CLINT1: variants seen among roughly 807,000 people sequenced by gnomAD.
CLINT1 encodes the protein clathrin interactor 1, also known as clathrin interacting protein localized in the trans-Golgi region.
Under a neutral mutation model 70.4 loss-of-function variants are expected in CLINT1, and 15 were observed. That is an observed-to-expected ratio of 0.21 (90% CI 0.14 to 0.33). CLINT1 has a LOEUF of 0.33. CLINT1 is among the 10% of genes least tolerant of loss of function. The pLI, the probability that CLINT1 is intolerant of heterozygous loss-of-function variation, is 1.00. For synonymous variants in CLINT1, 227 were observed against 254.7 expected, an observed-to-expected ratio of 0.89 and a Z score of 1.04; for missense variants, 615 against 778.1, an observed-to-expected ratio of 0.79 and a Z score of 2.49.
At chr5:157,806,204 G>GT (rs1159689726) in intron 6 of CLINT1, 92 bp from the exon 7 acceptor site, 5 of 1,310,438 alleles carry the variant, frequency 3.8e-6, no homozygotes, top group Non-Finnish European at 5.2e-6. Flanking sequence ...TTCAAATACA[G>GT]TAACTCCAAA....
At chr5:157,794,997 C>T in intron 8 of CLINT1, 25 bp from the exon 9 acceptor site, 1 of 1,526,282 alleles carries the variant, frequency 6.6e-7, no homozygotes, top group Non-Finnish European at 8.9e-7. Context: ...AAAGTTAAAA[C>T]TGTTAGAACT....
At chr5:157,858,836 G>C in intron 1 of CLINT1, 94 bp downstream of exon 1, 2 of 1,350,074 alleles carry the variant, frequency 1.5e-6, no homozygotes, top group Non-Finnish European at 1.0e-6. Flanking sequence ...GCCAGGGGGC[G>C]TGACGTGGGC....
chr5:157,793,820 T>C (rs1380599314), intron 9 of CLINT1, among the ~76,000 whole-genome samples: 1 of 152,192 alleles, frequency 6.6e-6, no homozygotes, highest in East Asian at 1.9e-4. Flanking sequence ...GCTATGTATC[T>C]TTTTTCTAAC....
chr5:157,816,619 C>T (rs1221217191), intron 3 of CLINT1, 115 bp downstream of exon 3: 13 of 637,360 alleles, frequency 2.0e-5, no homozygotes, highest in South Asian at 4.0e-5. Flanking sequence ...CATGTGCTTT[C>T]GATTATTCTA....
chr5:157,812,340 A>C (rs950070273), intron 5 of CLINT1, among the ~76,000 whole-genome samples: 2 of 152,212 alleles, frequency 1.3e-5, no homozygotes, highest in African/African-American at 4.8e-5. Context: ...TGAGCAAGAG[A>C]TTGTCAGAGC....
At chr5:157,811,408 C>T (rs1762553713) in intron 5 of CLINT1, among the ~76,000 whole-genome samples, 1 of 151,942 alleles carries the variant, frequency 6.6e-6, no homozygotes, top group Non-Finnish European at 1.5e-5. Flanking sequence ...TGGCTCACGC[C>T]TGTGGTCCCA....
In CLINT1 at chr5:157,791,986, G is replaced by T. The variant is rs777820202; in HGVS notation, c.1097C>A (p.Thr366Lys). Residue 366 changes from threonine (T) to lysine (K), a missense_variant, in exon 10 of 12, where the codon ACA becomes AAA. Thr to Lys is a moderately conservative substitution (Grantham distance 78, BLOSUM62 -1). Coordinates refer to ENST00000411809, the MANE Select transcript of CLINT1 (RefSeq NM_014666.4). ...SGSFPSQVTA[T>K]SGNGDFGDWS... Reference sequence around the variant, plus strand: ...GTCACCAAAGTCTCCATTCCCACTTGTTGCTGTTACTAAGACAGAAATAAC... The same window carrying T: ...GTCACCAAAGTCTCCATTCCCACTTTTTGCTGTTACTAAGACAGAAATAAC... The T allele has an allele frequency of 1.2e-6, 2 of 1,612,846 alleles. No homozygotes were observed. Among genetic ancestry groups the T allele is most frequent in the East Asian group, 4.5e-5 (2 of 44,882 alleles).
chr5:157,815,156 T>G (rs997027618), intron 3 of CLINT1, among the ~76,000 whole-genome samples: 1 of 141,756 alleles, frequency 7.1e-6, no homozygotes, highest in Non-Finnish European at 1.5e-5. Context: ...CACAAATAGC[T>G]GGGTATTGTG....
chr5:157,813,413 A>C (rs1285301664), intron 4 of CLINT1, among the ~76,000 whole-genome samples, 186 bp from the exon 5 acceptor site: 1 of 152,182 alleles, frequency 6.6e-6, no homozygotes, highest in Non-Finnish European at 1.5e-5. Flanking sequence ...TAAGTTCTAA[A>C]ATGGAATTTT....
intron 1 of CLINT1, among the ~76,000 whole-genome samples, chr5:157,820,723 T>A (rs1392247618): frequency 6.6e-6 from 1 of 152,018 alleles, no homozygotes; most frequent in Non-Finnish European, 1.5e-5. Flanking sequence ...AAGAAAACAA[T>A]CCCTCCGTGT....
intron 8 of CLINT1, among the ~76,000 whole-genome samples, chr5:157,802,292 G>C (rs1463904825): frequency 6.6e-6 from 1 of 152,110 alleles, no homozygotes; most frequent in Non-Finnish European, 1.5e-5. Flanking sequence ...ATTTTAATGT[G>C]AAATGAACTT....
At chr5:157,855,534 T>C (rs1013340307) in intron 1 of CLINT1, among the ~76,000 whole-genome samples, 4 of 152,150 alleles carry the variant, frequency 2.6e-5, no homozygotes, top group African/African-American at 9.7e-5. Context: ...CTGGCAGGCC[T>C]ATGGCTTTAT....
intron 1 of CLINT1, among the ~76,000 whole-genome samples, chr5:157,844,437 A>T (rs1177825482): frequency 6.6e-6 from 1 of 152,130 alleles, no homozygotes; most frequent in African/African-American, 2.4e-5. Context: ...TGCCTACTGG[A>T]ACCCTAAGAT....
At chr5:157,795,146 C>G (rs557429236) in intron 8 of CLINT1, 174 bp from the exon 9 acceptor site, 3 of 602,444 alleles carry the variant, frequency 5.0e-6, no homozygotes, top group Admixed American at 3.0e-5. Flanking sequence ...TCCCTATGAG[C>G]TACCATAGAC....
In CLINT1 at chr5:157,813,103, A is replaced by G; in HGVS notation, c.477T>C (p.Tyr159=). Residue 159 remains tyrosine (Y), a synonymous_variant, in exon 5 of 12, where the codon TAT becomes TAC. Transcript: ENST00000411809. ...CAACACTGTCTGAGGAAACCCCAAC[A>G]TACTTGTCTTTGTTCTTCTTTGCTT... ...RKKAKKNKDK[Y]VGVSSDSVGG... is the part of the protein sequence containing the mutation. 6.2e-7 allele frequency: 1 copy of G among 1,613,884 alleles called. No homozygotes were observed. Among genetic ancestry groups the G allele is most frequent in the Non-Finnish European group, 8.5e-7 (1 of 1,179,834 alleles).
At chr5:157,802,889 G>C (rs750363235) in intron 8 of CLINT1, among the ~76,000 whole-genome samples, 5 of 152,162 alleles carry the variant, frequency 3.3e-5, no homozygotes, top group Non-Finnish European at 7.4e-5. Context: ...TTCAGAGAAT[G>C]TCATTCCTCT....
At chr5:157,794,082 CACTT>C (rs1298828856) in intron 9 of CLINT1, among the ~76,000 whole-genome samples, 2 of 151,872 alleles carry the variant, frequency 1.3e-5, no homozygotes, top group African/African-American at 4.8e-5. Context: ...ATAAAAAAGA[CACTT>C]AATACTGAAT....
At chr5:157,828,927 TA>T (rs11379662) in intron 1 of CLINT1, among the ~76,000 whole-genome samples, 337 of 103,366 alleles carry the variant, frequency 3.3e-3, no homozygotes, top group African/African-American at 8.0e-3. Flanking sequence ...TGTCTCTACT[TA>T]AAAAAAAAAA....
At chr5:157,842,070 T>C (rs1753199311) in intron 1 of CLINT1, among the ~76,000 whole-genome samples, 1 of 152,240 alleles carries the variant, frequency 6.6e-6, no homozygotes, top group South Asian at 2.1e-4. Context: ...TATAAGCTTT[T>C]AGATATAGAT....
Sources: gnomAD v4.1 joint callset for allele counts (sites outside exome capture counted in the v4.1 genomes callset) on GRCh38, gnomAD v4.1.1 for gene constraint, MANE v1.5 for transcripts, NCBI Gene and HGNC (gene_info 2026-07-23, HGNC 2026-07-21) for gene names.